The following ZMYM2 variants were observed in gnomAD, a reference collection of about 807,000 sequenced individuals.
ZMYM2 encodes zinc finger MYM-type containing 2.
In ZMYM2, 56 loss-of-function variants were observed where a neutral mutation model predicts 162.8. That is an observed-to-expected ratio of 0.34 (90% CI 0.28 to 0.43). The LOEUF is 0.43. ZMYM2 is among the 20% of genes least tolerant of loss of function. The pLI is 1.00. For synonymous variants in ZMYM2, 510 were observed against 541.6 expected, an observed-to-expected ratio of 0.94 and a Z score of 0.81; for missense variants, 1,275 against 1,621.8, an observed-to-expected ratio of 0.79 and a Z score of 3.67.
rs771996140 is a variant in ZMYM2, at chr13:20,086,063, T to C, written c.*49T>C. The C allele has an allele frequency of 2.6e-6, 4 of 1,564,296 alleles. No individual in the cohort carries two copies. Among genetic ancestry groups the C allele is most frequent in the Non-Finnish European group, 3.5e-6 (4 of 1,147,254 alleles). ...GGGATAAAACAGCATTAGATAGTCA[T>C]GCTGCTAGATCTTTATTATGGAAAA... On this transcript the variant is annotated 3_prime_UTR_variant, in exon 25 of 25. Coordinates refer to ENST00000610343, the MANE Select transcript of ZMYM2 (RefSeq NM_197968.4).
the ZMYM2 span, among the ~76,000 whole-genome samples, chr13:19,867,313 G>A: frequency 5.3e-5 from 8 of 149,630 alleles, no homozygotes; most frequent in Non-Finnish European, 1.0e-4. Flanking sequence ...TCGCGCCATC[G>A]CACTCCAGCC....
intron 2 of ZMYM2, among the ~76,000 whole-genome samples, chr13:19,991,729 C>T (rs1200110535): frequency 9.9e-5 from 15 of 150,976 alleles, no homozygotes. Flanking sequence ...CTCCCGGCCT[C>T]AGATGATTCT....
At chr13:19,877,339 G>A in the ZMYM2 span, among the ~76,000 whole-genome samples, 1 of 152,182 alleles carries the variant, frequency 6.6e-6, no homozygotes, top group Non-Finnish European at 1.5e-5. Context: ...ATGTCAGAAA[G>A]TGGAAAGGGA....
chr13:19,937,721 T>C, the ZMYM2 span, among the ~76,000 whole-genome samples: 2,010 of 151,804 alleles, frequency 0.013, 24 homozygotes, highest in East Asian at 0.053. Flanking sequence ...ATGTGCCATG[T>C]TGGTGTGCTG....
At chr13:19,996,763 G>A (rs1187935721) in intron 3 of ZMYM2, among the ~76,000 whole-genome samples, 2 of 152,208 alleles carry the variant, frequency 1.3e-5, no homozygotes, top group Non-Finnish European at 2.9e-5. Flanking sequence ...GTGCACACCT[G>A]TAGCCTCAGC....
At chr13:20,051,931 A>C (rs1400556815) in intron 13 of ZMYM2, among the ~76,000 whole-genome samples, 1 of 152,132 alleles carries the variant, frequency 6.6e-6, no homozygotes, top group African/African-American at 2.4e-5. Context: ...ATTTTTAGCA[A>C]ATCGTATTGC....
rs1374303737 is a variant in ZMYM2 at position 19,993,449 on chromosome 13, A to G, written c.377A>G (p.Glu126Gly). ...TIVIDDEEDMETNQGQEKNSS... is the reference protein window; with the variant it reads ...TIVIDDEEDMGTNQGQEKNSS... ...GTCATTGATGATGAAGAGGACATGG[A>G]AACAAATCAAGGGCAAGAGAAAAAT... The change falls in exon 3 of 25, where the codon GAA becomes GGA. Residue 126 changes from glutamate (E) to glycine (G), a missense_variant. By Grantham distance (98) the Glu-to-Gly change is moderately conservative (BLOSUM62 -2). Transcript: ENST00000610343. 1 of 1,614,044 alleles carries G rather than the reference A, an allele frequency of 6.2e-7. No individual in the cohort carries two copies. Among genetic ancestry groups the G allele is most frequent in the African/African-American group, 1.3e-5 (1 of 75,072 alleles).
At chr13:20,045,195 ATAC>A (rs1954656279) in intron 12 of ZMYM2, among the ~76,000 whole-genome samples, 1 of 152,170 alleles carries the variant, frequency 6.6e-6, no homozygotes, top group African/African-American at 2.4e-5. Context: ...TATTAAAATG[ATAC>A]TACTAGGAGA....
intron 2 of ZMYM2, among the ~76,000 whole-genome samples, chr13:19,983,684 A>G (rs1156896910): frequency 6.6e-6 from 1 of 151,736 alleles, no homozygotes; most frequent in Non-Finnish European, 1.5e-5. Context: ...GCTAGTTTGC[A>G]GTGGTGCAAT....
chr13:19,980,537 A>T (rs1957226067), intron 2 of ZMYM2, among the ~76,000 whole-genome samples: 1 of 151,996 alleles, frequency 6.6e-6, no homozygotes, highest in African/African-American at 2.4e-5. Context: ...AGATCACTTG[A>T]GGTCAGGAGT....
At chr13:19,937,301 T>A in the ZMYM2 span, among the ~76,000 whole-genome samples, 1 of 152,106 alleles carries the variant, frequency 6.6e-6, no homozygotes, top group Non-Finnish European at 1.5e-5. Flanking sequence ...CATGCCCAGC[T>A]AATTTTTGTA....
chr13:20,005,705 A>G (rs148815667), intron 5 of ZMYM2, among the ~76,000 whole-genome samples: 80 of 152,338 alleles, frequency 5.3e-4, no homozygotes, highest in African/African-American at 1.8e-3. Flanking sequence ...TGAATGATTT[A>G]TAATGGTTCT....
the ZMYM2 span, among the ~76,000 whole-genome samples, chr13:19,942,676 T>TC: frequency 6.6e-6 from 1 of 151,922 alleles, no homozygotes; most frequent in Admixed American, 6.6e-5. Context: ...TGCCACTGCA[T>TC]CCCAGCCTGA....
At chr13:19,864,466 G>A in the ZMYM2 span, 2 of 155,108 alleles carry the variant, frequency 1.3e-5, no homozygotes, top group Admixed American at 6.5e-5. Flanking sequence ...TGCGTCCGCG[G>A]GGCAGTACTG....
At chr13:19,894,207 C>T in the ZMYM2 span, among the ~76,000 whole-genome samples, 2 of 151,932 alleles carry the variant, frequency 1.3e-5, no homozygotes, top group African/African-American at 4.9e-5. Flanking sequence ...AATGCATTTA[C>T]TACACCAGTA....
the ZMYM2 span, among the ~76,000 whole-genome samples, chr13:19,940,994 A>C: frequency 3.3e-5 from 5 of 152,128 alleles, no homozygotes; most frequent in Non-Finnish European, 7.3e-5. Flanking sequence ...ATATTACAAT[A>C]TTTTACATGC....
chr13:20,011,654 A>G (rs1388496110), intron 6 of ZMYM2, among the ~76,000 whole-genome samples: 1 of 149,150 alleles, frequency 6.7e-6, no homozygotes, highest in Admixed American at 6.7e-5. Flanking sequence ...ATCTTGGCTC[A>G]GTGCAACCTC....
chr13:20,023,617 T>C (rs1256171581), intron 7 of ZMYM2, among the ~76,000 whole-genome samples: 3 of 152,216 alleles, frequency 2.0e-5, no homozygotes, highest in Non-Finnish European at 1.5e-5. Flanking sequence ...CTCATTCTTT[T>C]TCACTGAAAT....
chr13:19,953,020 T>G, the ZMYM2 span, among the ~76,000 whole-genome samples: 2 of 152,200 alleles, frequency 1.3e-5, no homozygotes, highest in South Asian at 4.1e-4. Context: ...TTCTTGCTCT[T>G]ACTCTCATCC....
Sources: allele counts gnomAD v4.1 joint callset (sites outside exome capture counted in the v4.1 genomes callset), GRCh38; gene constraint gnomAD v4.1.1; transcripts MANE v1.5; gene names NCBI Gene and HGNC (gene_info 2026-07-23, HGNC 2026-07-21).